NUBPL: variants seen among roughly 807,000 people sequenced by gnomAD.
NUBPL encodes the protein NUBP iron-sulfur cluster assembly factor, mitochondrial.
NUBPL carries 31 observed loss-of-function variants against 45.7 expected under a neutral mutation model. The ratio of observed to expected loss-of-function variants is 0.68; its 90% CI spans 0.51 to 0.92. The LOEUF is 0.92. Among genes scored for constraint, NUBPL ranks in the 40% least tolerant of loss-of-function variants. NUBPL has a pLI of 0.00. For synonymous variants in NUBPL, 144 were observed against 140.9 expected (o/e 1.02, Z -0.15); for missense variants, 401 against 398.7 (o/e 1.01, Z -0.05).
chr14:31,687,597 AG>A (rs1476066033), intron 6 of NUBPL, among the ~76,000 whole-genome samples: 2 of 152,242 alleles, frequency 1.3e-5, no homozygotes, highest in African/African-American at 4.8e-5. Flanking sequence ...GGTGAGCTCA[AG>A]TGTTGTGAGT....
At chr14:31,572,645 A>G (rs548917188) in intron 3 of NUBPL, among the ~76,000 whole-genome samples, 1 of 152,272 alleles carries the variant, frequency 6.6e-6, no homozygotes, top group Admixed American at 6.5e-5. Flanking sequence ...GTTTGTTGCG[A>G]CTTAGTGGCC....
intron 6 of NUBPL, among the ~76,000 whole-genome samples, chr14:31,680,648 C>T (rs1455018849): frequency 6.6e-6 from 1 of 151,946 alleles, no homozygotes; most frequent in Non-Finnish European, 1.5e-5. Context: ...CTATAGGTAC[C>T]AAAATCCATG....
intron 3 of NUBPL, among the ~76,000 whole-genome samples, chr14:31,566,896 G>A (rs992741204): frequency 6.6e-6 from 1 of 152,096 alleles, no homozygotes; most frequent in Admixed American, 6.6e-5. Flanking sequence ...AAAAGGCAAA[G>A]AAATTGATTT....
intron 4 of NUBPL, among the ~76,000 whole-genome samples, chr14:31,656,169 C>A (rs1318400832): frequency 1.3e-5 from 2 of 152,142 alleles, no homozygotes; most frequent in African/African-American, 4.8e-5. Context: ...CCTCTCTCAG[C>A]TTTAATAGAA....
Position 31,846,469 on chromosome 14 carries a change from A to G in NUBPL, c.694-2A>G. The G allele has an allele frequency of 6.2e-7, 1 of 1,609,808 alleles. No homozygotes were observed. The highest frequency in any genetic ancestry group is 1.1e-5 in the South Asian group (1 of 90,390). The stretch of plus-strand genomic sequence containing the variant: ...TTTGATTTCAGTGTGTTTTTATTCT[A>G]GGTCCTTGGCCTTGTCCAAAACATG... On this transcript the variant is annotated splice_acceptor_variant, in intron 8 of 10. Transcript: ENST00000281081. LOFTEE classifies it high-confidence loss of function.
At chr14:31,700,507 C>T (rs907453715) in intron 6 of NUBPL, among the ~76,000 whole-genome samples, 3 of 152,276 alleles carry the variant, frequency 2.0e-5, no homozygotes, top group Middle Eastern at 6.8e-3. Context: ...CTGGCCAAGG[C>T]TGCAGCCGGC....
At chr14:31,787,191 C>T (rs776034654) in intron 6 of NUBPL, among the ~76,000 whole-genome samples, 1 of 152,036 alleles carries the variant, frequency 6.6e-6, no homozygotes, top group Non-Finnish European at 1.5e-5. Context: ...ACCTGAGGTA[C>T]CCTTGAGACC....
intron 6 of NUBPL, chr14:31,686,657 C>G (rs147171615): frequency 8.5e-5 from 13 of 152,180 alleles, no homozygotes; most frequent in African/African-American, 3.1e-4. Context: ...TGCCTTTTCT[C>G]CATATCCTCG....
At chr14:31,636,451 G>A (rs1406127843) in intron 4 of NUBPL, among the ~76,000 whole-genome samples, 1 of 151,476 alleles carries the variant, frequency 6.6e-6, no homozygotes, top group Non-Finnish European at 1.5e-5. Flanking sequence ...CCACTTGATC[G>A]TGGTAGATAA....
intron 8 of NUBPL, chr14:31,845,048 T>C (rs1255298299): frequency 6.6e-6 from 1 of 152,142 alleles, no homozygotes; most frequent in Non-Finnish European, 1.5e-5. Context: ...TATTCCAAAA[T>C]TCATGCATAC....
intron 3 of NUBPL, among the ~76,000 whole-genome samples, chr14:31,592,746 C>G (rs913372084): frequency 6.6e-6 from 1 of 152,068 alleles, no homozygotes; most frequent in African/African-American, 2.4e-5. Flanking sequence ...ATCTATATTT[C>G]TGTTTTTCAC....
intron 4 of NUBPL, among the ~76,000 whole-genome samples, chr14:31,620,194 A>G (rs540787695): frequency 2.6e-5 from 4 of 152,010 alleles, no homozygotes; most frequent in South Asian, 2.1e-4. Context: ...CGTTTTTTCA[A>G]GGTTCTTAGC....
At chr14:31,573,490 G>A (rs1453163311) in intron 3 of NUBPL, among the ~76,000 whole-genome samples, 1 of 152,160 alleles carries the variant, frequency 6.6e-6, no homozygotes, top group Non-Finnish European at 1.5e-5. Flanking sequence ...GACTCAGCAT[G>A]TGTAAAACCA....
At chr14:31,603,456 C>A (rs2034502288) in intron 4 of NUBPL, among the ~76,000 whole-genome samples, 1 of 151,740 alleles carries the variant, frequency 6.6e-6, no homozygotes, top group South Asian at 2.1e-4. Flanking sequence ...TCTTATTGGG[C>A]TTTTTATTTT....
intron 4 of NUBPL, among the ~76,000 whole-genome samples, chr14:31,673,073 A>G (rs1042594371): frequency 1.3e-5 from 2 of 152,150 alleles, no homozygotes; most frequent in Non-Finnish European, 2.9e-5. Flanking sequence ...CATTTTTTGT[A>G]TATTTCAACA....
rs147897311 is a variant in NUBPL at position 31,640,317 on chromosome 14, G to A, written c.383-33038G>A. 1.2e-3 allele frequency among the ~76,000 whole-genome samples: 187 copies of A among 152,122 alleles called. No individual in the cohort carries two copies. In the East Asian group the frequency reaches 0.032, roughly 26 times the overall value. ...ACCATACTTATGAGACTTAAGAAAC[G>A]CTTTGGGGCCAGGCTTGGTGGCTCA... is the stretch of plus-strand genomic sequence containing the variant. On this transcript the variant is annotated intron_variant, in intron 4 of 10. Coordinates refer to ENST00000281081, the MANE Select transcript of NUBPL (RefSeq NM_025152.3).
intron 6 of NUBPL, among the ~76,000 whole-genome samples, chr14:31,747,202 C>T (rs2038420152): frequency 7.1e-6 from 1 of 140,020 alleles, no homozygotes; most frequent in Admixed American, 7.2e-5. Flanking sequence ...GTGGCACGAT[C>T]TTGGCTTACT....
chr14:31,629,345 T>G (rs2035284783), intron 4 of NUBPL, among the ~76,000 whole-genome samples: 2 of 152,220 alleles, frequency 1.3e-5, no homozygotes, highest in African/African-American at 4.8e-5. Flanking sequence ...AGGAAATACC[T>G]TATTAGGCAC....
chr14:31,836,721 C>T (rs913503987), intron 8 of NUBPL, among the ~76,000 whole-genome samples: 20 of 152,008 alleles, frequency 1.3e-4, no homozygotes, highest in Admixed American at 3.9e-4. Context: ...TTAAATTGTC[C>T]CCCAGCTAAC....
Sources: gnomAD v4.1 joint callset for allele counts (sites outside exome capture counted in the v4.1 genomes callset) on GRCh38, gnomAD v4.1.1 for gene constraint, MANE v1.5 for transcripts, NCBI Gene and HGNC (gene_info 2026-07-23, HGNC 2026-07-21) for gene names.